Variants in CDH18 observed in about 807,000 individuals in gnomAD.
CDH18 encodes cadherin-18.
In CDH18, 31 loss-of-function variants were observed where a neutral mutation model predicts 67.9. That is an observed-to-expected ratio of 0.46 (90% CI 0.34 to 0.62). The LOEUF (loss-of-function observed/expected upper bound fraction) is 0.62. CDH18 is among the 20% of genes least tolerant of loss of function. CDH18 has a pLI of 0.01. For synonymous variants in CDH18, 362 were observed against 347.2 expected (o/e 1.04, Z -0.48); for missense variants, 890 against 975.5 (o/e 0.91, Z 1.17).
chr5:19,650,591 C>A (rs1485853485), intron 5 of CDH18, among the ~76,000 whole-genome samples: 1 of 152,002 alleles, frequency 6.6e-6, no homozygotes, highest in Non-Finnish European at 1.5e-5. Context: ...ATTTCCACAA[C>A]AAGCAAGCGA....
intron 1 of CDH18, among the ~76,000 whole-genome samples, chr5:20,427,062 A>G (rs1025758569): frequency 6.6e-6 from 1 of 151,258 alleles, no homozygotes; most frequent in Non-Finnish European, 1.5e-5. Context: ...ATTAAAGTAT[A>G]GCAATCACAA....
intron 11 of CDH18, among the ~76,000 whole-genome samples, chr5:19,500,163 T>G (rs1743005667): frequency 6.6e-6 from 1 of 151,992 alleles, no homozygotes; most frequent in African/African-American, 2.4e-5. Flanking sequence ...CAGTCCAGCA[T>G]TTTCTGACCC....
At chr5:19,932,914 A>C (rs1489886316) in intron 2 of CDH18, among the ~76,000 whole-genome samples, 1 of 151,686 alleles carries the variant, frequency 6.6e-6, no homozygotes, top group Non-Finnish European at 1.5e-5. Flanking sequence ...TGACTGAAAA[A>C]GAATCCACAT....
intron 1 of CDH18, among the ~76,000 whole-genome samples, chr5:20,528,842 C>T (rs543552774): frequency 4.0e-5 from 6 of 151,704 alleles, no homozygotes; most frequent in African/African-American, 1.5e-4. Context: ...AACTAGAGAA[C>T]CAAGAACAAA....
chr5:20,269,616 G>A (rs1745289895), intron 1 of CDH18, among the ~76,000 whole-genome samples: 1 of 152,018 alleles, frequency 6.6e-6, no homozygotes. Flanking sequence ...AAACAAGCCA[G>A]GAACAGAAAG....
At chr5:19,852,857 C>A (rs920663698) in intron 2 of CDH18, among the ~76,000 whole-genome samples, 2 of 152,002 alleles carry the variant, frequency 1.3e-5, no homozygotes, top group Admixed American at 1.3e-4. Context: ...CTATATAATC[C>A]AGAGCAACCG....
rs1257613754 is a variant in CDH18, at chr5:19,472,649, T to C, written c.*577A>G. On this transcript the variant is annotated 3_prime_UTR_variant, in exon 13 of 13. Transcript: ENST00000382275. The stretch of plus-strand genomic sequence containing the variant: ...ATCAGTTTTGTATGGAGAAAAGAAC[T>C]GGGGAGGGCAAAGGGAAATGGTACA... Among the ~76,000 whole-genome samples, 1 of 151,978 alleles carries C rather than the reference T, an allele frequency of 6.6e-6. No homozygotes were observed. The highest frequency in any genetic ancestry group is 1.5e-5 in the Non-Finnish European group (1 of 68,002).
Position 20,417,589 on chromosome 5 carries a change from C to T in CDH18, c.-580+157873G>A, listed in dbSNP as rs2150153367. On this transcript the variant is annotated intron_variant, in intron 1 of 14. Transcript: ENST00000507958. Reference sequence around the variant, plus strand: ...TATGTAGTAATCAGAGGAAGGGATTCCTTTATAAAACAAACTCTACGACAT... The same window carrying T: ...TATGTAGTAATCAGAGGAAGGGATTTCTTTATAAAACAAACTCTACGACAT... 2.0e-5 allele frequency among the ~76,000 whole-genome samples: 3 copies of T among 152,198 alleles called. No homozygotes were observed. The Middle Eastern group carries it at 0.01, about 518-fold the overall frequency.
At chr5:19,669,020 C>G (rs1055056278) in intron 5 of CDH18, among the ~76,000 whole-genome samples, 1 of 150,446 alleles carries the variant, frequency 6.6e-6, no homozygotes, top group African/African-American at 2.4e-5. Context: ...AACACACACT[C>G]TGTGTCTATG....
intron 2 of CDH18, among the ~76,000 whole-genome samples, chr5:20,028,104 T>C (rs1202114950): frequency 7.3e-6 from 1 of 137,654 alleles, no homozygotes; most frequent in Non-Finnish European, 1.5e-5. Flanking sequence ...CAACTTTCTA[T>C]TTTTTTTTTT....
chr5:20,248,311 A>G (rs1743542496), intron 2 of CDH18, among the ~76,000 whole-genome samples: 1 of 152,234 alleles, frequency 6.6e-6, no homozygotes, highest in African/African-American at 2.4e-5. Context: ...CTGTTCATCA[A>G]CAAATGTGCA....
At chr5:20,095,462 AG>A (rs1745883053) in intron 2 of CDH18, among the ~76,000 whole-genome samples, 1 of 134,760 alleles carries the variant, frequency 7.4e-6, no homozygotes, top group Non-Finnish European at 1.6e-5. Context: ...GAAAGAAAGA[AG>A]AAAGAAGGAA....
intron 5 of CDH18, among the ~76,000 whole-genome samples, chr5:19,636,757 TCA>T (rs1368664239): frequency 2.0e-5 from 3 of 152,074 alleles, no homozygotes; most frequent in East Asian, 3.9e-4. Flanking sequence ...CATGCTATGT[TCA>T]CAGTTTCTTA....
rs571486958 is a variant in CDH18, at chr5:20,427,588, T to C, written c.-580+147874A>G. Among the ~76,000 whole-genome samples, 272 of 151,288 alleles carry C rather than the reference T, an allele frequency of 1.8e-3. 17 individuals are homozygous for C. Among genetic ancestry groups the C allele is most frequent in the African/African-American group, 6.4e-3 (258 of 40,588 alleles). On this transcript the variant is annotated intron_variant, in intron 1 of 14. Coordinates refer to the CDH18 transcript ENST00000507958. ...TTTCTGCTTATACTTGGTGAATTTT[T>C]TGAGCACTGATTTCAGTAATTGGTA...
intron 1 of CDH18, among the ~76,000 whole-genome samples, chr5:20,357,032 G>T (rs576026586): frequency 6.6e-6 from 1 of 151,156 alleles, no homozygotes; most frequent in East Asian, 2.0e-4. Flanking sequence ...TCAGTCTCAG[G>T]AAAAAGAAGA....
At chr5:20,449,827 G>GA (rs70954658) in intron 1 of CDH18, among the ~76,000 whole-genome samples, 54,930 of 151,102 alleles carry the variant, frequency 0.36, 12,023 homozygotes, top group Non-Finnish European at 0.49. Context: ...CTACAAAAAA[G>GA]AAAAAATATA....
At chr5:19,738,055 T>TAAGAATAGC (rs554998906) in intron 4 of CDH18, among the ~76,000 whole-genome samples, 1 of 152,280 alleles carries the variant, frequency 6.6e-6, no homozygotes, top group South Asian at 2.1e-4. Flanking sequence ...ATGTCACATT[T>TAAGAATAGC]AAGAATAGCT....
chr5:20,414,015 T>A (rs1048675220), intron 1 of CDH18, among the ~76,000 whole-genome samples: 1 of 152,180 alleles, frequency 6.6e-6, no homozygotes, highest in African/African-American at 2.4e-5. Flanking sequence ...GGATCCAAAT[T>A]GGCTATTATT....
chr5:20,558,401 A>G (rs1230194756), intron 1 of CDH18, among the ~76,000 whole-genome samples: 1 of 152,122 alleles, frequency 6.6e-6, no homozygotes, highest in East Asian at 1.9e-4. Context: ...GTATCTCCAG[A>G]CTACCAAGTG....
Sources: gnomAD v4.1 joint callset for allele counts (sites outside exome capture counted in the v4.1 genomes callset) on GRCh38, gnomAD v4.1.1 for gene constraint, MANE v1.5 for transcripts, NCBI Gene and HGNC (gene_info 2026-07-23, HGNC 2026-07-21) for gene names.